The following CNBD1 variants were observed in gnomAD, a reference collection of about 807,000 sequenced individuals.
The protein encoded by CNBD1 is cyclic nucleotide binding domain containing 1.
Under a neutral mutation model 54.4 loss-of-function variants are expected in CNBD1, and 71 were observed. The observed-to-expected ratio is 1.30, with a 90% confidence interval of 1.08 to 1.59. The LOEUF (loss-of-function observed/expected upper bound fraction) is 1.59, where lower values mean the gene tolerates loss of function less well. Among genes scored for constraint, CNBD1 ranks in the 40% most tolerant of loss-of-function variants. The pLI is 0.00. For missense variants in CNBD1, 659 were observed against 518.0 expected (o/e 1.27, Z -2.64); for synonymous variants, 182 against 170.7 (o/e 1.07, Z -0.51).
rs563156238 is a variant in CNBD1, at chr8:87,388,990, C to A, written c.213+35204C>A. ...TAATCCAGCATATAAACAGAACCAA[C>A]GACAAAAACCACATGATTATCTCAA... is the stretch of plus-strand genomic sequence containing the variant. On this transcript the variant is annotated intron_variant, in intron 2 of 7. Coordinates refer to the CNBD1 transcript ENST00000521593. Among the ~76,000 whole-genome samples the A allele has an allele frequency of 2.0e-3, 309 of 152,028 alleles. 1 individual carries two copies. Among genetic ancestry groups the A allele is most frequent in the African/African-American group, 6.0e-3 (250 of 41,482 alleles).
chr8:86,943,286 C>T (rs1807380549), intron 4 of CNBD1, among the ~76,000 whole-genome samples: 1 of 135,364 alleles, frequency 7.4e-6, no homozygotes, highest in Non-Finnish European at 1.5e-5. Context: ...GAGGCTGAGG[C>T]AGGAATTGCT....
chr8:86,947,049 T>C (rs867414900), intron 4 of CNBD1, among the ~76,000 whole-genome samples: 2 of 152,002 alleles, frequency 1.3e-5, no homozygotes, highest in Non-Finnish European at 2.9e-5. Context: ...ATCTAGAAAA[T>C]TTTGGCAAGA....
intron 4 of CNBD1, among the ~76,000 whole-genome samples, chr8:87,148,127 T>C (rs1376165156): frequency 6.6e-6 from 1 of 152,222 alleles, no homozygotes; most frequent in Non-Finnish European, 1.5e-5. Flanking sequence ...ATAAGTACTG[T>C]AGAAAAATAT....
chr8:87,179,845 T>C (rs564343651), intron 4 of CNBD1, among the ~76,000 whole-genome samples: 1 of 152,330 alleles, frequency 6.6e-6, no homozygotes, highest in South Asian at 2.1e-4. Flanking sequence ...TGTCAGGATT[T>C]CATACATTAA....
At chr8:87,113,618 T>C (rs912922098) in intron 4 of CNBD1, among the ~76,000 whole-genome samples, 2 of 152,162 alleles carry the variant, frequency 1.3e-5, no homozygotes, top group Non-Finnish European at 2.9e-5. Context: ...ATCTTTTACT[T>C]ACCTCAAAAA....
chr8:86,963,596 G>T (rs1398484004), intron 4 of CNBD1, among the ~76,000 whole-genome samples: 1 of 152,070 alleles, frequency 6.6e-6, no homozygotes, highest in Non-Finnish European at 1.5e-5. Flanking sequence ...CTCAAACAAG[G>T]GAGAGAGAAA....
intron 5 of CNBD1, among the ~76,000 whole-genome samples, chr8:87,215,827 C>G (rs1814198207): frequency 6.6e-6 from 1 of 152,110 alleles, no homozygotes; most frequent in Non-Finnish European, 1.5e-5. Flanking sequence ...ACCATCACAG[C>G]ATCCAGTTCC....
intron 4 of CNBD1, among the ~76,000 whole-genome samples, chr8:87,067,731 AC>A (rs1810683005): frequency 6.6e-6 from 1 of 151,982 alleles, no homozygotes; most frequent in Non-Finnish European, 1.5e-5. Flanking sequence ...TTAACTCAGT[AC>A]TTAACTTATA....
intron 4 of CNBD1, among the ~76,000 whole-genome samples, chr8:87,067,370 A>C (rs949009762): frequency 6.6e-6 from 1 of 151,962 alleles, no homozygotes; most frequent in Admixed American, 6.6e-5. Flanking sequence ...GGAATTACTT[A>C]TTCTCATGGC....
At chr8:87,405,284 A>C (rs1038238181) in intron 2 of CNBD1, among the ~76,000 whole-genome samples, 1 of 152,078 alleles carries the variant, frequency 6.6e-6, no homozygotes, top group Non-Finnish European at 1.5e-5. Context: ...ACTTTTTATC[A>C]ATAATATGGT....
chr8:87,029,311 A>C (rs1204914968), intron 4 of CNBD1, among the ~76,000 whole-genome samples: 1 of 152,212 alleles, frequency 6.6e-6, no homozygotes, highest in South Asian at 2.1e-4. Context: ...CAAGCAAACA[A>C]GTAAACAACA....
chr8:86,954,272 C>G (rs1807702387), intron 4 of CNBD1, among the ~76,000 whole-genome samples: 2 of 152,186 alleles, frequency 1.3e-5, no homozygotes, highest in Admixed American at 1.3e-4. Flanking sequence ...ACAGACAAAT[C>G]CATTTAATCT....
At chr8:87,346,334 G>C (rs989902413) in intron 8 of CNBD1, among the ~76,000 whole-genome samples, 3 of 152,022 alleles carry the variant, frequency 2.0e-5, no homozygotes, top group Non-Finnish European at 4.4e-5. Flanking sequence ...GAGCCACCGT[G>C]CCTGGCCATT....
chr8:87,231,156 T>G (rs1238315873), intron 5 of CNBD1, among the ~76,000 whole-genome samples: 1 of 152,192 alleles, frequency 6.6e-6, no homozygotes, highest in African/African-American at 2.4e-5. Flanking sequence ...TGTATTATAA[T>G]GTTTATATCA....
intron 8 of CNBD1, among the ~76,000 whole-genome samples, chr8:87,325,739 G>T (rs1190267809): frequency 7.0e-6 from 1 of 143,830 alleles, no homozygotes; most frequent in Non-Finnish European, 1.5e-5. Context: ...CACACTGATG[G>T]GTCTTGACTC....
chr8:87,288,643 T>C (rs1269642169), intron 8 of CNBD1, among the ~76,000 whole-genome samples: 2 of 152,098 alleles, frequency 1.3e-5, no homozygotes, highest in African/African-American at 4.8e-5. Flanking sequence ...GTTAACATAC[T>C]GTTTCCTAGA....
intron 4 of CNBD1, among the ~76,000 whole-genome samples, chr8:87,174,832 T>C (rs2130771935): frequency 6.6e-6 from 1 of 152,310 alleles, no homozygotes; most frequent in Admixed American, 6.5e-5. Context: ...CTCATAGAGG[T>C]ACTGCCTTGG....
rs772075864 is a variant in CNBD1 at position 87,284,761 on chromosome 8, A to G, written c.855A>G (p.Glu285=). The G allele has an allele frequency of 1.9e-6, 3 of 1,600,432 alleles. No homozygotes were observed. The South Asian group carries it at 3.4e-5, about 18-fold the overall frequency. Residue 285 remains glutamate, a synonymous_variant, in exon 7 of 11, where the codon GAA becomes GAG. Transcript: ENST00000518476. ...CACAGATGTTCTCGGTGGTGACAGA[A>G]GACGATTGTGAAATTCTTAAAATCC... The part of the protein sequence containing the change: ...SETQMFSVVT[E]DDCEILKIPA...
intron 3 of CNBD1, among the ~76,000 whole-genome samples, chr8:86,936,799 C>A (rs1809556772): frequency 6.6e-6 from 1 of 150,920 alleles, no homozygotes; most frequent in East Asian, 1.9e-4. Context: ...AATTAGGTTA[C>A]CAAATTAGAC....
Sources: allele counts gnomAD v4.1 joint callset (sites outside exome capture counted in the v4.1 genomes callset), GRCh38; gene constraint gnomAD v4.1.1; transcripts MANE v1.5; gene names NCBI Gene and HGNC (gene_info 2026-07-23, HGNC 2026-07-21).